The following ACSL5 variants were observed in gnomAD, a reference collection of about 807,000 sequenced individuals.
ACSL5 encodes long-chain-fatty-acid--CoA ligase 5.
Under a neutral mutation model 84.9 loss-of-function variants are expected in ACSL5, and 50 were observed. That is an observed-to-expected ratio of 0.59 (90% CI 0.47 to 0.75). ACSL5 has a LOEUF of 0.75. ACSL5 is among the 30% of genes least tolerant of loss of function. The pLI, the probability that ACSL5 is intolerant of heterozygous loss-of-function variation, is 0.00. For missense variants in ACSL5, 775 were observed against 830.4 expected, an observed-to-expected ratio of 0.93 and a Z score of 0.82; for synonymous variants, 280 against 300.7, an observed-to-expected ratio of 0.93 and a Z score of 0.71.
chr10:112,410,459 A>G lies in ACSL5; in HGVS notation c.712-4A>G, dbSNP rs1844152199. 3 of 1,614,040 alleles carry G rather than the reference A, an allele frequency of 1.9e-6. No homozygotes were observed. Among genetic ancestry groups the G allele is most frequent in the Non-Finnish European group, 1.7e-6 (2 of 1,180,012 alleles). On this transcript the variant is annotated splice_region_variant and splice_polypyrimidine_tract_variant and intron_variant, in intron 7 of 20. Coordinates refer to ENST00000354655, the MANE Select transcript of ACSL5 (RefSeq NM_203379.2). ...CTTTCTTTCTTGGTTTTCCATTCAC[A>G]TAGAACCTAGGCAAAGAGCACTTCA...
chr10:112,415,443 A>T (rs1844293651), intron 12 of ACSL5, among the ~76,000 whole-genome samples: 1 of 152,098 alleles, frequency 6.6e-6, no homozygotes. Context: ...ATGTATTTTT[A>T]AAATGAAGGA....
Position 112,404,826 on chromosome 10 carries a change from C to T in ACSL5, c.432+20C>T, listed in dbSNP as rs2133615405. 6.3e-7 allele frequency: 1 copy of T among 1,591,292 alleles called. No homozygotes were observed. The highest frequency in any genetic ancestry group is 8.6e-7 in the Non-Finnish European group (1 of 1,162,770). On this transcript the variant is annotated intron_variant, in intron 5 of 20. Coordinates refer to ENST00000354655, the MANE Select transcript of ACSL5 (RefSeq NM_203379.2). The stretch of plus-strand genomic sequence containing the variant: ...CCAGAGGTAACTATGTTGAAGTTAA[C>T]TAAAGGAAATGAGTCAGGGTTAAGT...
intron 12 of ACSL5, 96 bp downstream of exon 12, chr10:112,413,403 T>G: frequency 7.2e-7 from 1 of 1,388,272 alleles, no homozygotes. Flanking sequence ...ACCTCCACCC[T>G]CTACAAGTAT....
chr10:112,383,446 C>T (rs531480882), intron 1 of ACSL5, among the ~76,000 whole-genome samples: 4 of 152,376 alleles, frequency 2.6e-5, no homozygotes, highest in African/African-American at 9.6e-5. Flanking sequence ...GCCATCCTTC[C>T]TTCTTAGCTA....
chr10:112,376,443 C>G (rs574547795), intron 1 of ACSL5: 3 of 1,613,932 alleles, frequency 1.9e-6, no homozygotes, highest in African/African-American at 1.3e-5. Context: ...GCGGCCCCCT[C>G]GCAGGGTAAG....
chr10:112,380,640 G>A (rs568868410), intron 1 of ACSL5, among the ~76,000 whole-genome samples: 11 of 152,280 alleles, frequency 7.2e-5, no homozygotes, highest in East Asian at 1.9e-4. Context: ...TGGTCTCTCC[G>A]TGAAGAAAGT....
chr10:112,383,392 G>A (rs1338155508), intron 1 of ACSL5, among the ~76,000 whole-genome samples: 1 of 152,264 alleles, frequency 6.6e-6, no homozygotes, highest in Non-Finnish European at 1.5e-5. Flanking sequence ...AGCAACTGGT[G>A]AATGGCTGGG....
rs536330169 is a variant in ACSL5, at chr10:112,411,460, C to A, written c.801C>A (p.Asp267Glu). 1 of 1,612,500 alleles carries A rather than the reference C, an allele frequency of 6.2e-7. No individual in the cohort carries two copies. Among genetic ancestry groups the A allele is most frequent in the Non-Finnish European group, 8.5e-7 (1 of 1,178,480 alleles). The change falls in exon 10 of 21, where the codon GAC (aspartate) becomes GAA (glutamate). Residue 267 changes from aspartate (D) to glutamate (E), a missense_variant. Physicochemically the swap from Asp to Glu is conservative, Grantham distance 45. Coordinates refer to ENST00000354655, the MANE Select transcript of ACSL5 (RefSeq NM_203379.2). Reference sequence around the variant, plus strand: ...TCCACCTCTTATTTCCTACAGGTGACCCCAAAGGAGCCATGATAACCCATC... The same window carrying A: ...TCCACCTCTTATTTCCTACAGGTGAACCCAAAGGAGCCATGATAACCCATC... ...VICFTSGTTG[D>E]PKGAMITHQN...
chr10:112,411,835 T>A, intron 10 of ACSL5, 67 bp from the exon 11 acceptor site: 1 of 1,450,888 alleles, frequency 6.9e-7, no homozygotes, highest in Non-Finnish European at 9.7e-7. Context: ...AGTTTTAAAA[T>A]CTCCATTGGA....
chr10:112,380,506 A>G (rs976066760), intron 1 of ACSL5, among the ~76,000 whole-genome samples: 6 of 135,066 alleles, frequency 4.4e-5, no homozygotes, highest in Middle Eastern at 3.5e-3. Context: ...CACCTCCAGC[A>G]GAAATACCTC....
At chr10:112,411,218 T>C (rs1183308266) in intron 9 of ACSL5, among the ~76,000 whole-genome samples, 1 of 152,220 alleles carries the variant, frequency 6.6e-6, no homozygotes, top group African/African-American at 2.4e-5. Context: ...TGCTTCTATC[T>C]GAAATCATGG....
intron 1 of ACSL5, among the ~76,000 whole-genome samples, chr10:112,377,234 C>T (rs1023970921): frequency 2.0e-5 from 3 of 152,124 alleles, no homozygotes; most frequent in African/African-American, 7.2e-5. Flanking sequence ...ATATCAGAGG[C>T]AGAGTCTTAA....
chr10:112,423,229 T>A (rs865965899), intron 17 of ACSL5, among the ~76,000 whole-genome samples: 7 of 87,854 alleles, frequency 8.0e-5, no homozygotes, highest in Non-Finnish European at 1.3e-4. Flanking sequence ...AAAATATATA[T>A]ATATATATAT....
At chr10:112,412,302 T>C (rs1263752570) in intron 11 of ACSL5, 1 of 253,690 alleles carries the variant, frequency 3.9e-6, no homozygotes, top group Non-Finnish European at 7.5e-6. Flanking sequence ...TTGTCTTCTT[T>C]TTAAATTTTA....
chr10:112,382,891 G>A (rs933446570), intron 1 of ACSL5, among the ~76,000 whole-genome samples: 2 of 152,160 alleles, frequency 1.3e-5, no homozygotes, highest in African/African-American at 4.8e-5. Flanking sequence ...CTACTACTTA[G>A]CTACCACCTG....
At position 112,428,275 on chromosome 10, in the gene ACSL5, C is replaced by T. The variant is rs1844816532; in HGVS notation, c.*917C>T. On this transcript the variant is annotated 3_prime_UTR_variant, in exon 21 of 21. Coordinates refer to ENST00000354655, the MANE Select transcript of ACSL5 (RefSeq NM_203379.2). ...TTTCTGTGAAGGAACCAACTGATCT[C>T]CCCCACCCTTGGATTAGAGTTCCTG... 3 of 389,706 alleles carry T rather than the reference C, an allele frequency of 7.7e-6. No individual in the cohort carries two copies. The highest frequency in any genetic ancestry group is 9.1e-6 in the Non-Finnish European group (2 of 220,878). The allele number at this position is 389,706 out of a possible 1,614,324, so 24.1% of individuals were successfully genotyped here.
At chr10:112,400,408 T>TTC in intron 3 of ACSL5, among the ~76,000 whole-genome samples, 1 of 108,426 alleles carries the variant, frequency 9.2e-6, no homozygotes, top group Non-Finnish European at 2.0e-5. Context: ...TTTCTTTTCT[T>TTC]TTTTTTTTTT....
chr10:112,378,206 C>G (rs910877906), intron 1 of ACSL5, among the ~76,000 whole-genome samples: 2 of 134,628 alleles, frequency 1.5e-5, no homozygotes, highest in African/African-American at 5.5e-5. Flanking sequence ...TATATTTAAT[C>G]AAGACAATCT....
intron 17 of ACSL5, among the ~76,000 whole-genome samples, chr10:112,423,803 T>C (rs989635658): frequency 6.6e-6 from 1 of 152,110 alleles, no homozygotes; most frequent in Non-Finnish European, 1.5e-5. Flanking sequence ...GTCCTTTTTT[T>C]TTCCCCCTTA....
Sources: gnomAD v4.1 joint callset for allele counts (sites outside exome capture counted in the v4.1 genomes callset) on GRCh38, gnomAD v4.1.1 for gene constraint, MANE v1.5 for transcripts, NCBI Gene and HGNC (gene_info 2026-07-23, HGNC 2026-07-21) for gene names.